Variants in GRHL1 observed in about 807,000 individuals in gnomAD.
GRHL1 encodes grainyhead-like protein 1 homolog.
A neutral mutation model predicts 75.7 loss-of-function variants in GRHL1; 38 were observed. The observed-to-expected ratio is 0.50, with a 90% CI of 0.39 to 0.66. GRHL1 has a LOEUF of 0.66. GRHL1 is among the 30% of genes least tolerant of loss of function. The pLI, the probability that GRHL1 is intolerant of heterozygous loss-of-function variation, is 0.00. For synonymous variants in GRHL1, 266 were observed against 279.4 expected (o/e 0.95, Z 0.48); for missense variants, 589 against 767.5 (o/e 0.77, Z 2.75).
In GRHL1 at chr2:10,000,634, C is replaced by G. The variant is rs879045667; in HGVS notation, c.1784C>G (p.Ser595Cys). ...GACGACAACATTGTGAAGCATTACT[C>G]CAATGAGGACACCTTCCAGCTGCAG... ...NMDDNIVKHY[S>C]NEDTFQLQIE... The change falls in exon 16 of 16, where the codon TCC (serine) becomes TGC (cysteine). Residue 595 changes from serine to cysteine, a missense_variant. This residue lies in a region of GRHL1 where 192 missense variants were observed against 226.6 expected (regional missense o/e 0.85). Transcript: ENST00000324907. The G allele has an allele frequency of 8.1e-6, 13 of 1,613,496 alleles. No homozygotes were observed. The highest frequency in any genetic ancestry group is 1.1e-5 in the Non-Finnish European group (13 of 1,179,524).
chr2:9,996,266 CT>C (rs1336593350), intron 13 of GRHL1, 49 bp from the exon 14 acceptor site: 28 of 1,334,852 alleles, frequency 2.1e-5, no homozygotes, highest in Non-Finnish European at 2.9e-5. Flanking sequence ...GAACTGTATC[CT>C]TTTTTTCCTC....
At chr2:9,964,983 G>A in intron 7 of GRHL1, 1 of 282,896 alleles carries the variant, frequency 3.5e-6, no homozygotes, top group Middle Eastern at 1.0e-3. Context: ...TGAGAACTCA[G>A]TTCTAATCTT....
chr2:9,957,843 C>T (rs946649677), intron 2 of GRHL1, among the ~76,000 whole-genome samples: 6 of 152,222 alleles, frequency 3.9e-5, no homozygotes, highest in African/African-American at 1.4e-4. Flanking sequence ...TTCTACAGGA[C>T]ACTCACTAAC....
At chr2:9,959,733 C>T (rs1264341506) in intron 3 of GRHL1, 2 of 152,204 alleles carry the variant, frequency 1.3e-5, no homozygotes, top group Non-Finnish European at 2.9e-5. Context: ...ATTTGTTCTT[C>T]CCTCTTCTTC....
At chr2:9,995,096 C>T (rs1220441739) in intron 12 of GRHL1, among the ~76,000 whole-genome samples, 2 of 152,204 alleles carry the variant, frequency 1.3e-5, no homozygotes, top group Non-Finnish European at 2.9e-5. Context: ...TTCCTTAGAG[C>T]TGAATGATCA....
Position 9,951,716 on chromosome 2 carries a change from C to A in GRHL1, c.-118C>A. 2 of 944,006 alleles carry A rather than the reference C, an allele frequency of 2.1e-6. No homozygotes were observed. Among genetic ancestry groups the A allele is most frequent in the Middle Eastern group, 2.3e-4 (1 of 4,398 alleles). The allele number at this position is 944,006 out of a possible 1,614,324, so 58.5% of individuals were successfully genotyped here. ...TCAGAGCGAGAAAAGCAAACCCAAC[C>A]CGTCGGGGCCGCCGCTCCGGACCCG... On this transcript the variant is annotated 5_prime_UTR_variant, in exon 1 of 16. Transcript: ENST00000324907. This position sits in a 1 kb window ranked among gnomAD's most constrained non-coding sequence, Gnocchi z 4.2.
chr2:9,970,171 A>G (rs907158824), intron 8 of GRHL1, among the ~76,000 whole-genome samples: 5 of 152,206 alleles, frequency 3.3e-5, no homozygotes, highest in African/African-American at 1.2e-4. Flanking sequence ...GGATGTAATG[A>G]ATCCTGGGAA....
chr2:9,969,579 G>C (rs1156477735), intron 8 of GRHL1, among the ~76,000 whole-genome samples: 6 of 152,196 alleles, frequency 3.9e-5, no homozygotes, highest in Admixed American at 3.9e-4. Context: ...CGTTTGAGTT[G>C]GATGAGTAAC....
intron 14 of GRHL1, among the ~76,000 whole-genome samples, chr2:9,998,597 C>CGCATATACATAT (rs1669035310): frequency 1.9e-5 from 1 of 53,516 alleles, no homozygotes; most frequent in Non-Finnish European, 3.1e-5. Flanking sequence ...TATATATGTA[C>CGCATATACATAT]ACATATATAT....
Position 9,990,904 on chromosome 2 carries a change from A to G in GRHL1, c.1321+157A>G, listed in dbSNP as rs992398753. On this transcript the variant is annotated intron_variant, in intron 10 of 15. Coordinates refer to ENST00000324907, the MANE Select transcript of GRHL1 (RefSeq NM_198182.3). The surrounding 1 kb of genome is among the most constrained non-coding windows in gnomAD (Gnocchi z 4.2). ...TGCAGTGTGGCACTGCCTCTTCCTC[A>G]GATCAGCAGCAGATGCCAGCTCAGC... 84 of 558,780 alleles carry G rather than the reference A, an allele frequency of 1.5e-4. No homozygotes were observed. Among genetic ancestry groups the G allele is most frequent in the Non-Finnish European group, 2.3e-4 (70 of 309,350 alleles). The allele number at this position is 558,780 out of a possible 1,614,324, so 34.6% of individuals were successfully genotyped here.
rs1276502420 is a variant in GRHL1 at position 9,964,291 on chromosome 2, T to C, written c.960T>C (p.His320=). 1.9e-5 allele frequency: 31 copies of C among 1,612,950 alleles called. No individual in the cohort carries two copies. The highest frequency in any genetic ancestry group is 2.2e-5 in the East Asian group (1 of 44,896). ...AAAGCAGAGAAGATCAGTTAAGGCA[T>C]TGGAAGTACTGGCACTCCCGGCAGC... is the stretch of plus-strand genomic sequence containing the variant. ...EDKSREDQLR[H]WKYWHSRQHT... Residue 320 remains histidine (H), a synonymous_variant, in exon 7 of 16, where the codon CAT becomes CAC. Transcript: ENST00000324907.
chr2:9,985,127 G>C (rs1267668498), intron 8 of GRHL1, among the ~76,000 whole-genome samples: 3 of 151,972 alleles, frequency 2.0e-5, no homozygotes, highest in African/African-American at 7.2e-5. Context: ...TAGGAAAGCA[G>C]ACTTTTGAAA....
intron 12 of GRHL1, among the ~76,000 whole-genome samples, chr2:9,994,024 C>T (rs1459008907): frequency 3.3e-5 from 5 of 152,142 alleles, no homozygotes; most frequent in Non-Finnish European, 5.9e-5. Flanking sequence ...CTTCCTGTGC[C>T]GGGCAGCCCC....
intron 3 of GRHL1, 195 bp downstream of exon 3, chr2:9,959,051 G>C (rs1667158787): frequency 2.9e-6 from 2 of 693,962 alleles, no homozygotes; most frequent in Non-Finnish European, 4.2e-6. Context: ...TTTGGGCGTA[G>C]TAGTTGCCTT....
rs745642755 is a variant in GRHL1, at chr2:9,977,854, C to T, written c.1111-8270C>T. On this transcript the variant is annotated intron_variant, in intron 8 of 15. Coordinates refer to ENST00000324907, the MANE Select transcript of GRHL1 (RefSeq NM_198182.3). ...GGTGTATTAGTCCATTTTCATGCTG[C>T]TGATAAAGACATACCCGAGACTGGG... Among the ~76,000 whole-genome samples, 95 of 151,940 alleles carry T rather than the reference C, an allele frequency of 6.3e-4. 1 individual carries two copies. The highest frequency in any genetic ancestry group is 2.2e-4 in the Non-Finnish European group (15 of 68,020).
intron 1 of GRHL1, among the ~76,000 whole-genome samples, chr2:9,953,414 T>C (rs1666882956): frequency 6.6e-6 from 1 of 152,268 alleles, no homozygotes; most frequent in Non-Finnish European, 1.5e-5. Flanking sequence ...AATGCCACTT[T>C]GTATATTTCT....
rs1024303082 is a variant in GRHL1, at chr2:9,974,666, C to A, written c.1110+9285C>A. Reference sequence around the variant, plus strand: ...TCTGTCTCATTATTGACCAATTTGACTGTTTTCTAACATCCAGGAAATTCT... The same window carrying A: ...TCTGTCTCATTATTGACCAATTTGAATGTTTTCTAACATCCAGGAAATTCT... On this transcript the variant is annotated intron_variant, in intron 8 of 15. Transcript: ENST00000324907. 4.6e-5 allele frequency among the ~76,000 whole-genome samples: 7 copies of A among 152,338 alleles called. No individual in the cohort carries two copies. In the South Asian group the frequency reaches 1.2e-3, roughly 27 times the overall value.
rs1466141057 is a variant in GRHL1 at position 9,964,277 on chromosome 2, G to A, written c.946G>A (p.Asp316Asn). The A allele has an allele frequency of 4.3e-6, 7 of 1,613,016 alleles. No homozygotes were observed. The Admixed American group carries it at 6.7e-5, about 15-fold the overall frequency. Residue 316 changes from aspartate to asparagine, a missense_variant, in exon 7 of 16, where the codon GAT becomes AAT. Asp to Asn is a conservative substitution (Grantham distance 23). Around this residue, in one of 5 missense-constraint regions of GRHL1, gnomAD observed 362 missense variants for 461.8 expected, o/e 0.78. Transcript: ENST00000324907. ...TTTTGCTGAAGACAAAAGCAGAGAAGATCAGTTAAGGCATTGGAAGTACTG... is the reference window on the plus strand; with the variant it reads ...TTTTGCTGAAGACAAAAGCAGAGAAAATCAGTTAAGGCATTGGAAGTACTG... ...VVFAEDKSREDQLRHWKYWHS... is the reference protein window; with the variant it reads ...VVFAEDKSRENQLRHWKYWHS...
Position 9,990,888 on chromosome 2 carries a change from G to A in GRHL1, c.1321+141G>A, listed in dbSNP as rs1668608463. The A allele has an allele frequency of 8.2e-6, 5 of 608,522 alleles. No individual in the cohort carries two copies. The highest frequency in any genetic ancestry group is 1.5e-5 in the Non-Finnish European group (5 of 341,666). The allele number at this position is 608,522 out of a possible 1,614,324, so 37.7% of individuals were successfully genotyped here. On this transcript the variant is annotated intron_variant, in intron 10 of 15. Transcript: ENST00000324907. The surrounding 1 kb of genome is among the most constrained non-coding windows in gnomAD (Gnocchi z 4.2). Reference sequence around the variant, plus strand: ...GGTGTTCTTCCTGTTCTGCAGTGTGGCACTGCCTCTTCCTCAGATCAGCAG... The same window carrying A: ...GGTGTTCTTCCTGTTCTGCAGTGTGACACTGCCTCTTCCTCAGATCAGCAG...
Sources: gnomAD v4.1 joint callset for allele counts (sites outside exome capture counted in the v4.1 genomes callset) on GRCh38, gnomAD v4.1.1 for gene constraint, gnomAD v4.1.1 regional missense constraint, Gnocchi (gnomAD v3.1) non-coding constraint, MANE v1.5 for transcripts, NCBI Gene and HGNC (gene_info 2026-07-23, HGNC 2026-07-21) for gene names.